Variants in ASIC2 observed in about 807,000 individuals in gnomAD.
ASIC2 encodes acid sensing ion channel subunit 2, also known as acid-sensing ion channel 2.
Under a neutral mutation model 57.3 loss-of-function variants are expected in ASIC2, and 25 were observed. The ratio of observed to expected loss-of-function variants is 0.44; its 90% confidence interval spans 0.32 to 0.61. The LOEUF is 0.61. ASIC2 is among the 20% of genes least tolerant of loss of function. The pLI is 0.06. For missense variants in ASIC2, 641 were observed against 738.1 expected, an observed-to-expected ratio of 0.87 and a Z score of 1.52; for synonymous variants, 319 against 307.5, an observed-to-expected ratio of 1.04 and a Z score of -0.39.
chr17:34,108,938 C>T (rs945838711), intron 1 of ASIC2, among the ~76,000 whole-genome samples: 2 of 151,908 alleles, frequency 1.3e-5, no homozygotes, highest in Non-Finnish European at 1.5e-5. Context: ...ATTTTACCCC[C>T]TATATCTTGG....
chr17:33,795,108 T>C (rs553021703), intron 1 of ASIC2, among the ~76,000 whole-genome samples: 40 of 152,344 alleles, frequency 2.6e-4, no homozygotes, highest in Middle Eastern at 6.8e-3. Context: ...GATTCTGTGA[T>C]ACCACAATGA....
intron 1 of ASIC2, among the ~76,000 whole-genome samples, chr17:34,123,528 TGCTTTCCACCTCTGA>T (rs2142121251): frequency 6.6e-6 from 1 of 152,252 alleles, no homozygotes; most frequent in Admixed American, 6.5e-5. Context: ...ACCTACCTCT[TGCTTTCCACCTCTGA>T]GTCACCATGA....
intron 2 of ASIC2, among the ~76,000 whole-genome samples, chr17:33,102,957 G>T (rs1402808650): frequency 6.6e-6 from 1 of 152,014 alleles, no homozygotes; most frequent in Non-Finnish European, 1.5e-5. Flanking sequence ...CTAATTTTTT[G>T]TATTTTCAGT....
intron 1 of ASIC2, among the ~76,000 whole-genome samples, chr17:33,978,869 G>T (rs1369695700): frequency 6.6e-6 from 1 of 152,150 alleles, no homozygotes; most frequent in Non-Finnish European, 1.5e-5. Context: ...CTAAACATGG[G>T]TCATAGATAA....
Position 33,383,040 on chromosome 17 carries a change from C to CAA in ASIC2, c.556-270975_556-270974dup, listed in dbSNP as rs1221291795. Among the ~76,000 whole-genome samples, 31 of 151,898 alleles carry CAA rather than the reference C, an allele frequency of 2.0e-4. No homozygotes were observed. The East Asian group carries it at 6.0e-3, about 30-fold the overall frequency. ...TCAGGGAATATAAAAAACAAACAAA[C>CAA]AAACAAACAAACACCACACACAAAA... On this transcript the variant is annotated intron_variant, in intron 1 of 9. Transcript: ENST00000359872.
chr17:33,553,448 A>C (rs1275201040), intron 1 of ASIC2, among the ~76,000 whole-genome samples: 1 of 152,038 alleles, frequency 6.6e-6, no homozygotes, highest in Non-Finnish European at 1.5e-5. Context: ...TCACCTCTTC[A>C]GCTCTGATAA....
Position 33,013,878 on chromosome 17 carries a change from G to A in ASIC2, c.*87C>T. 3 of 1,199,258 alleles carry A rather than the reference G, an allele frequency of 2.5e-6. No individual in the cohort carries two copies. The highest frequency in any genetic ancestry group is 3.6e-6 in the Non-Finnish European group (3 of 827,026). 74.3% of individuals were successfully genotyped at this position (1,199,258 alleles called of 1,614,324 possible). A position where few individuals can be genotyped will look rare whatever the true frequency, so the allele number is the denominator to read the frequency against. The stretch of plus-strand genomic sequence containing the variant: ...GCTCTTGCTTCTTTCCAGCACTGGG[G>A]CCATCCCACCTGAGCTTGCTGTTCC... On this transcript the variant is annotated 3_prime_UTR_variant, in exon 10 of 10. Transcript: ENST00000225823.
At chr17:34,067,241 A>G (rs1909204910) in intron 1 of ASIC2, among the ~76,000 whole-genome samples, 1 of 152,216 alleles carries the variant, frequency 6.6e-6, no homozygotes. Flanking sequence ...AGTCCTTTGT[A>G]GTGGTAAGTG....
chr17:33,340,473 G>C (rs987315162), intron 1 of ASIC2, among the ~76,000 whole-genome samples: 1 of 152,142 alleles, frequency 6.6e-6, no homozygotes, highest in Non-Finnish European at 1.5e-5. Context: ...TTGGCACACA[G>C]CAAGTGCTCA....
intron 1 of ASIC2, among the ~76,000 whole-genome samples, chr17:34,129,790 G>A (rs1167486712): frequency 6.6e-6 from 1 of 152,144 alleles, no homozygotes; most frequent in Non-Finnish European, 1.5e-5. Context: ...CAATCTTCTT[G>A]GATCCCCAGA....
intron 2 of ASIC2, among the ~76,000 whole-genome samples, chr17:33,108,335 C>T (rs911140971): frequency 6.6e-6 from 1 of 152,218 alleles, no homozygotes; most frequent in Non-Finnish European, 1.5e-5. Context: ...ATCTCCTGGA[C>T]TCCTGGGCCT....
At chr17:33,932,741 A>AAAATATATATATATAT (rs1555572867) in intron 1 of ASIC2, 15 of 58,700 alleles carry the variant, frequency 2.6e-4, no homozygotes, top group Admixed American at 7.4e-4. Flanking sequence ...AAAAAAAAAA[A>AAAATATATATATATAT]ATATATATAT....
intron 3 of ASIC2, among the ~76,000 whole-genome samples, chr17:33,049,914 G>T (rs899648918): frequency 1.3e-5 from 2 of 152,188 alleles, no homozygotes; most frequent in African/African-American, 2.4e-5. Context: ...AGGGAAGGGA[G>T]GAAGGGGAAA....
At chr17:34,101,876 T>G (rs939373160) in intron 1 of ASIC2, among the ~76,000 whole-genome samples, 10 of 151,922 alleles carry the variant, frequency 6.6e-5, no homozygotes, top group Admixed American at 2.6e-4. Flanking sequence ...GCTCCAACAA[T>G]TGTCGACATT....
At chr17:33,885,988 T>A (rs1333819703) in intron 1 of ASIC2, among the ~76,000 whole-genome samples, 1 of 152,210 alleles carries the variant, frequency 6.6e-6, no homozygotes, top group Non-Finnish European at 1.5e-5. Flanking sequence ...ACCATCTCAG[T>A]ACCTTGCATA....
chr17:33,937,437 T>C (rs562615718), intron 1 of ASIC2, among the ~76,000 whole-genome samples: 17 of 149,096 alleles, frequency 1.1e-4, no homozygotes, highest in South Asian at 4.3e-4. Context: ...TTTTTTTTTT[T>C]CCCCATCAGA....
chr17:34,054,845 T>C (rs920646792), intron 1 of ASIC2, among the ~76,000 whole-genome samples: 3 of 152,196 alleles, frequency 2.0e-5, no homozygotes, highest in Non-Finnish European at 4.4e-5. Flanking sequence ...GAGAGAGACA[T>C]TATGCATGCC....
chr17:33,343,455 C>G (rs1048100881), intron 1 of ASIC2, among the ~76,000 whole-genome samples: 4 of 152,192 alleles, frequency 2.6e-5, no homozygotes, highest in Admixed American at 2.0e-4. Flanking sequence ...CTCCCTGATG[C>G]CTGTCATTGG....
intron 1 of ASIC2, among the ~76,000 whole-genome samples, chr17:33,371,213 T>A (rs1909047338): frequency 6.6e-6 from 1 of 152,196 alleles, no homozygotes; most frequent in Admixed American, 6.5e-5. Flanking sequence ...GTTTAGTAAA[T>A]GTTATGAATC....
Sources: allele counts gnomAD v4.1 joint callset (sites outside exome capture counted in the v4.1 genomes callset), GRCh38; gene constraint gnomAD v4.1.1; transcripts MANE v1.5; gene names NCBI Gene and HGNC (gene_info 2026-07-23, HGNC 2026-07-21).